The following CBLB variants were observed in gnomAD, a reference collection of about 807,000 sequenced individuals.
CBLB encodes the protein Cbl proto-oncogene B, also known as E3 ubiquitin-protein ligase CBL-B.
Under a neutral mutation model 104.9 loss-of-function variants are expected in CBLB, and 31 were observed. The observed-to-expected ratio is 0.30, with a 90% CI of 0.22 to 0.40. The LOEUF is 0.40. CBLB is among the 10% of genes least tolerant of loss of function. CBLB has a pLI of 1.00. For synonymous variants in CBLB, 440 were observed against 422.6 expected (o/e 1.04, Z -0.51); for missense variants, 1,062 against 1,214.6 (o/e 0.87, Z 1.87).
rs367961792 is a variant in CBLB, at chr3:105,726,409, GAATTA to G, written c.1204-6164_1204-6160del. On this transcript the variant is annotated intron_variant, in intron 9 of 18. Transcript: ENST00000394030. ...AGGAAAATTAATTTTACATTTAATT[GAATTA>G]AAGTCCTTGGCAGTAATTCAAAACA... 5.4e-3 allele frequency among the ~76,000 whole-genome samples: 826 copies of G among 152,126 alleles called. 9 individuals carry two copies. Among genetic ancestry groups the G allele is most frequent in the African/African-American group, 0.019 (777 of 41,476 alleles).
intron 3 of CBLB, among the ~76,000 whole-genome samples, chr3:105,802,768 T>G (rs1051472098): frequency 1.3e-5 from 2 of 152,196 alleles, no homozygotes; most frequent in African/African-American, 4.8e-5. Context: ...ATTCAACTAC[T>G]TAATTTGAAC....
In CBLB at chr3:105,754,523, CAGAGAGAGAGAGAGAG is replaced by C. The variant is rs1207514486; in HGVS notation, c.567-2921_567-2906del. On this transcript the variant is annotated intron_variant, in intron 4 of 18. Transcript: ENST00000394030. ...AGAGAGAGAGAGAGAGAGAGAGAGA[CAGAGAGAGAGAGAGAG>C]AGAGAGAGAGAGAGAGAGAGAAAAT... Among the ~76,000 whole-genome samples, 7 of 102,756 alleles carry C rather than the reference CAGAGAGAGAGAGAGAG, an allele frequency of 6.8e-5. No individual in the cohort carries two copies. The Admixed American group carries it at 6.9e-4, about 10-fold the overall frequency. The allele number at this position is 102,756 out of a possible 152,430, so 67.4% of individuals were successfully genotyped here. A position where few individuals can be genotyped will look rare whatever the true frequency, so the allele number is the denominator to read the frequency against.
intron 4 of CBLB, among the ~76,000 whole-genome samples, chr3:105,769,033 G>A (rs1227705524): frequency 2.0e-5 from 3 of 152,196 alleles, no homozygotes; most frequent in East Asian, 1.9e-4. Flanking sequence ...AATTATTGCC[G>A]CCGGGCGTGA....
chr3:105,859,620 A>C (rs1304270730), intron 2 of CBLB, among the ~76,000 whole-genome samples: 4 of 143,394 alleles, frequency 2.8e-5, no homozygotes, highest in African/African-American at 1.0e-4. Flanking sequence ...GTGCCACTGC[A>C]CTCCAGCACT....
chr3:105,806,640 G>A (rs2083542950), intron 3 of CBLB, among the ~76,000 whole-genome samples: 1 of 152,078 alleles, frequency 6.6e-6, no homozygotes, highest in Non-Finnish European at 1.5e-5. Flanking sequence ...CATGCCATGG[G>A]AAGTAGGCAT....
chr3:105,719,699 C>T lies in CBLB; in HGVS notation c.1407+348G>A, dbSNP rs917997704. On this transcript the variant is annotated intron_variant, in intron 10 of 18. Coordinates refer to ENST00000394030, the MANE Select transcript of CBLB (RefSeq NM_170662.5). ...GTTACTGGTTTATGTACTTACTATA[C>T]TATACTTTTTATCATTATTTTAGAG... Among the ~76,000 whole-genome samples, 4 of 152,102 alleles carry T rather than the reference C, an allele frequency of 2.6e-5. No individual in the cohort carries two copies. In the East Asian group the frequency reaches 5.8e-4, roughly 22 times the overall value.
In CBLB at chr3:105,717,364, CCATT is replaced by C. The variant is rs528589124; in HGVS notation, c.1407+2679_1407+2682del. Reference sequence around the variant, plus strand: ...TTTTCTGTCATTCTCCATTATCCATCCATTCAATAACCATTCTTTAAATGCTTAC... The same window carrying C: ...TTTTCTGTCATTCTCCATTATCCATCCAATAACCATTCTTTAAATGCTTAC... On this transcript the variant is annotated intron_variant, in intron 10 of 18. Transcript: ENST00000394030. 8.3e-4 allele frequency among the ~76,000 whole-genome samples: 127 copies of C among 152,292 alleles called. 1 individual carries two copies. Among genetic ancestry groups the C allele is most frequent in the African/African-American group, 3.0e-3 (125 of 41,578 alleles).
chr3:105,731,207 C>T (rs532380401), intron 9 of CBLB, among the ~76,000 whole-genome samples: 1 of 152,166 alleles, frequency 6.6e-6, no homozygotes, highest in Admixed American at 6.5e-5. Context: ...AGAAAGACAA[C>T]TGGGAAATGT....
intron 3 of CBLB, among the ~76,000 whole-genome samples, chr3:105,823,596 G>A (rs1453685486): frequency 1.3e-5 from 2 of 152,130 alleles, no homozygotes; most frequent in African/African-American, 4.8e-5. Flanking sequence ...CCTCCTGACT[G>A]AGTCACCAGC....
intron 4 of CBLB, among the ~76,000 whole-genome samples, chr3:105,763,809 G>A (rs1304372709): frequency 6.6e-6 from 1 of 152,212 alleles, no homozygotes; most frequent in Non-Finnish European, 1.5e-5. Context: ...TTCATGTATA[G>A]TGGCAGAAGA....
intron 2 of CBLB, among the ~76,000 whole-genome samples, chr3:105,854,219 T>C (rs2091306757): frequency 6.6e-6 from 1 of 152,222 alleles, no homozygotes; most frequent in Admixed American, 6.5e-5. Context: ...CTCCCCATAC[T>C]GTCTACCACG....
rs1238300589 is a variant in CBLB at position 105,720,260 on chromosome 3, T to C, written c.1204-10A>G. On this transcript the variant is annotated splice_polypyrimidine_tract_variant and intron_variant, in intron 9 of 18. Coordinates refer to ENST00000394030, the MANE Select transcript of CBLB (RefSeq NM_170662.5). ...CCTGACCATCCGACTCCTAAACAAA[T>C]AGAAAATGCATGGATTGGTTTTGTT... 4.4e-6 allele frequency: 7 copies of C among 1,605,270 alleles called. No individual in the cohort carries two copies. Among genetic ancestry groups the C allele is most frequent in the African/African-American group, 2.7e-5 (2 of 74,788 alleles).
chr3:105,757,463 G>A (rs571286784), intron 4 of CBLB, among the ~76,000 whole-genome samples: 2 of 152,320 alleles, frequency 1.3e-5, no homozygotes, highest in South Asian at 4.1e-4. Context: ...GACGCGCTGA[G>A]AGAGGGCGTC....
chr3:105,863,652 C>T (rs1173091524), intron 2 of CBLB, among the ~76,000 whole-genome samples: 2 of 151,906 alleles, frequency 1.3e-5, no homozygotes, highest in African/African-American at 2.4e-5. Context: ...ATTATGATCA[C>T]AATTAAATTA....
At chr3:105,708,800 G>A (rs1054706943) in intron 10 of CBLB, among the ~76,000 whole-genome samples, 2 of 151,960 alleles carry the variant, frequency 1.3e-5, no homozygotes, top group African/African-American at 4.8e-5. Context: ...AAATGCTGAT[G>A]TAAAACATTT....
chr3:105,800,669 A>C (rs1406969665), intron 3 of CBLB, among the ~76,000 whole-genome samples: 1 of 152,024 alleles, frequency 6.6e-6, no homozygotes, highest in Non-Finnish European at 1.5e-5. Context: ...GGAAAACAAA[A>C]TATACACAAA....
chr3:105,773,967 C>T (rs557220685), intron 4 of CBLB, among the ~76,000 whole-genome samples: 93 of 152,310 alleles, frequency 6.1e-4, no homozygotes, highest in Non-Finnish European at 7.3e-4. Flanking sequence ...GGTAGCACTA[C>T]CATGTCTTCA....
At chr3:105,818,422 G>T (rs1173414817) in intron 3 of CBLB, among the ~76,000 whole-genome samples, 5 of 152,032 alleles carry the variant, frequency 3.3e-5, no homozygotes, top group Non-Finnish European at 7.4e-5. Flanking sequence ...ATGAAATGGG[G>T]TTCATGTTAA....
At chr3:105,677,959 A>T (rs2065855566) in intron 17 of CBLB, among the ~76,000 whole-genome samples, 1 of 152,074 alleles carries the variant, frequency 6.6e-6, no homozygotes, top group Non-Finnish European at 1.5e-5. Flanking sequence ...ATTTCAGAAA[A>T]ACTTCTCTAT....
Sources: gnomAD v4.1 joint callset for allele counts (sites outside exome capture counted in the v4.1 genomes callset) on GRCh38, gnomAD v4.1.1 for gene constraint, MANE v1.5 for transcripts, NCBI Gene and HGNC (gene_info 2026-07-23, HGNC 2026-07-21) for gene names.